Variants in ITGA8 observed in about 807,000 individuals in gnomAD.
The protein encoded by ITGA8 is integrin alpha-8.
In ITGA8, 91 loss-of-function variants were observed where a neutral mutation model predicts 142.3. The ratio of observed to expected loss-of-function variants is 0.64; its 90% CI spans 0.54 to 0.76. The LOEUF is 0.76. Ranked by LOEUF, ITGA8 falls within the 30% of genes least tolerant of loss-of-function variation. ITGA8 has a pLI of 0.00. For missense variants in ITGA8, 1,406 were observed against 1,327.7 expected, an observed-to-expected ratio of 1.06 and a Z score of -0.92; for synonymous variants, 505 against 485.2, an observed-to-expected ratio of 1.04 and a Z score of -0.54.
At chr10:15,697,246 T>G (rs889586460) in intron 2 of ITGA8, among the ~76,000 whole-genome samples, 1 of 152,186 alleles carries the variant, frequency 6.6e-6, no homozygotes, top group African/African-American at 2.4e-5. Context: ...AATACATGTA[T>G]TTTTAGCTTT....
chr10:15,584,692 A>G (rs1231447538), intron 23 of ITGA8, among the ~76,000 whole-genome samples: 1 of 152,224 alleles, frequency 6.6e-6, no homozygotes, highest in Non-Finnish European at 1.5e-5. Flanking sequence ...TGTACAAAAA[A>G]CAATTGCAAA....
At chr10:15,682,945 G>A (rs1386648184) in intron 4 of ITGA8, among the ~76,000 whole-genome samples, 2 of 52,424 alleles carry the variant, frequency 3.8e-5, no homozygotes, top group Non-Finnish European at 1.3e-4. Context: ...ATCACTAATC[G>A]ATTTTTTCTC....
chr10:15,603,474 G>A (rs1344040018), intron 20 of ITGA8, among the ~76,000 whole-genome samples: 2 of 152,172 alleles, frequency 1.3e-5, no homozygotes, highest in African/African-American at 4.8e-5. Flanking sequence ...TTAATTGTGA[G>A]TTTGTATATT....
At chr10:15,606,178 A>G (rs959572481) in intron 18 of ITGA8, 107 bp downstream of exon 18, 22 of 924,076 alleles carry the variant, frequency 2.4e-5, no homozygotes, top group Non-Finnish European at 3.4e-5. Flanking sequence ...CCATGTCTGC[A>G]TGCAGAAGTA....
At chr10:15,689,502 T>C (rs1834894153) in intron 2 of ITGA8, among the ~76,000 whole-genome samples, 1 of 152,186 alleles carries the variant, frequency 6.6e-6, no homozygotes, top group Admixed American at 6.5e-5. Flanking sequence ...CGTGGACACC[T>C]GCAGTCTTTG....
chr10:15,629,260 C>A (rs1347371476), intron 13 of ITGA8, among the ~76,000 whole-genome samples: 1 of 152,008 alleles, frequency 6.6e-6, no homozygotes, highest in Admixed American at 6.5e-5. Context: ...AAGTTACATG[C>A]CTCCCCCATA....
chr10:15,549,209 T>TATTTTTATTTTTA (rs1379832597), intron 26 of ITGA8, among the ~76,000 whole-genome samples: 61 of 19,760 alleles, frequency 3.1e-3, no homozygotes, highest in Admixed American at 5.3e-3. Flanking sequence ...CTGTTTTTTT[T>TATTTTTATTTTTA]TTTTTTTTTT....
chr10:15,570,062 A>T (rs1247846936), intron 25 of ITGA8, among the ~76,000 whole-genome samples: 2 of 152,204 alleles, frequency 1.3e-5, no homozygotes, highest in Non-Finnish European at 2.9e-5. Flanking sequence ...TCTCTGGAGC[A>T]TTTATTAAGT....
intron 8 of ITGA8, among the ~76,000 whole-genome samples, chr10:15,666,227 C>T (rs926247992): frequency 1.3e-5 from 2 of 152,088 alleles, no homozygotes; most frequent in African/African-American, 4.8e-5. Flanking sequence ...TTGAAGAGGT[C>T]CTTCACATCC....
At chr10:15,642,886 T>A (rs2131644974) in intron 13 of ITGA8, among the ~76,000 whole-genome samples, 1 of 152,270 alleles carries the variant, frequency 6.6e-6, no homozygotes, top group East Asian at 1.9e-4. Flanking sequence ...AACCAAAAAA[T>A]AGCTCTACAT....
chr10:15,550,167 C>T (rs747142595), intron 26 of ITGA8, among the ~76,000 whole-genome samples: 4 of 152,196 alleles, frequency 2.6e-5, no homozygotes, highest in Admixed American at 1.3e-4. Flanking sequence ...CTCTCATTCT[C>T]TGCTTGCCTG....
chr10:15,517,357 CT>C, intron 29 of ITGA8, 113 bp from the exon 30 acceptor site: 1 of 599,908 alleles, frequency 1.7e-6, no homozygotes, highest in Non-Finnish European at 2.8e-6. Context: ...GAGTCTCGCT[CT>C]CTATTCCCCA....
intron 26 of ITGA8, among the ~76,000 whole-genome samples, chr10:15,556,052 A>C (rs1270617124): frequency 9.9e-5 from 9 of 91,300 alleles, no homozygotes; most frequent in African/African-American, 3.6e-4. Flanking sequence ...TTTGAGACCA[A>C]GTCTCACTCT....
At chr10:15,537,320 A>G (rs895356695) in intron 27 of ITGA8, among the ~76,000 whole-genome samples, 20 of 152,196 alleles carry the variant, frequency 1.3e-4, no homozygotes, top group African/African-American at 4.8e-4. Flanking sequence ...AGGATTTGGC[A>G]CCTGACACTG....
intron 13 of ITGA8, among the ~76,000 whole-genome samples, chr10:15,620,307 A>G (rs1368932844): frequency 6.5e-5 from 2 of 31,002 alleles, no homozygotes; most frequent in Non-Finnish European, 2.7e-4. Context: ...AGGTGTTGAG[A>G]TACACACACA....
At chr10:15,634,333 C>G (rs1220656286) in intron 13 of ITGA8, among the ~76,000 whole-genome samples, 1 of 152,010 alleles carries the variant, frequency 6.6e-6, no homozygotes, top group Non-Finnish European at 1.5e-5. Flanking sequence ...GTGGCTGCTA[C>G]TAGATGCTAT....
In ITGA8 at chr10:15,604,223, G is replaced by A. The variant is rs45604340; in HGVS notation, c.2103C>T (p.Ile701=). The change falls in exon 20 of 30, where the codon ATC becomes ATT. Residue 701 remains isoleucine, a synonymous_variant. Transcript: ENST00000378076. ...MIPEEADYVG[I]ERNNKGFRPL... ...CAGGCATTACCTTGTTGTTGCGTTC[G>A]ATTCCAACATAATCTGCCTCTTCTG... The A allele has an allele frequency of 6.7e-5, 108 of 1,610,014 alleles. No homozygotes were observed. The highest frequency in any genetic ancestry group is 4.7e-4 in the Admixed American group (28 of 59,164).
chr10:15,601,344 C>A (rs1449981778), intron 20 of ITGA8, among the ~76,000 whole-genome samples: 1 of 152,080 alleles, frequency 6.6e-6, no homozygotes, highest in Non-Finnish European at 1.5e-5. Context: ...AGAGACTGAA[C>A]AAGAGATGAT....
chr10:15,552,023 A>G (rs1011275016), intron 26 of ITGA8, among the ~76,000 whole-genome samples: 1 of 152,220 alleles, frequency 6.6e-6, no homozygotes, highest in Non-Finnish European at 1.5e-5. Context: ...GGACCCTGCA[A>G]CGCAAATACA....
Sources: gnomAD v4.1 joint callset for allele counts (sites outside exome capture counted in the v4.1 genomes callset) on GRCh38, gnomAD v4.1.1 for gene constraint, MANE v1.5 for transcripts, NCBI Gene and HGNC (gene_info 2026-07-23, HGNC 2026-07-21) for gene names.